Variants in UBTD1 observed in about 807,000 individuals in gnomAD.
UBTD1 encodes ubiquitin domain-containing protein 1.
UBTD1 carries 19 observed loss-of-function variants against 21.7 expected under a neutral mutation model. The ratio of observed to expected loss-of-function variants is 0.87; its 90% CI spans 0.61 to 1.28. The LOEUF is 1.28. Among genes scored for constraint, UBTD1 ranks in the 50% most tolerant of loss-of-function variants. The pLI, the probability that UBTD1 is intolerant of heterozygous loss-of-function variation, is 0.00. For missense variants in UBTD1, 282 were observed against 315.1 expected, an observed-to-expected ratio of 0.89 and a Z score of 0.80; for synonymous variants, 116 against 135.1, an observed-to-expected ratio of 0.86 and a Z score of 0.98.
At chr10:97,502,889 A>G (rs1406606961) in intron 1 of UBTD1, among the ~76,000 whole-genome samples, 3 of 147,118 alleles carry the variant, frequency 2.0e-5, no homozygotes, top group Admixed American at 6.8e-5. Flanking sequence ...ATATATACGT[A>G]TATATATGTG....
chr10:97,546,915 CTCTG>C (rs926202042), intron 1 of UBTD1, among the ~76,000 whole-genome samples: 15 of 152,306 alleles, frequency 9.8e-5, no homozygotes, highest in East Asian at 9.6e-4. Context: ...CTCTCTCTCT[CTCTG>C]TCTGTCTCTG....
intron 1 of UBTD1, among the ~76,000 whole-genome samples, chr10:97,510,258 C>T (rs1289435348): frequency 6.6e-6 from 1 of 152,230 alleles, no homozygotes; most frequent in East Asian, 1.9e-4. Flanking sequence ...AGCCACCTTG[C>T]CCAGCCATGA....
intron 1 of UBTD1, among the ~76,000 whole-genome samples, chr10:97,564,549 C>T (rs1027237781): frequency 6.6e-6 from 1 of 152,124 alleles, no homozygotes; most frequent in Non-Finnish European, 1.5e-5. Context: ...GAACCTTGGT[C>T]TCCACAACTC....
intron 1 of UBTD1, among the ~76,000 whole-genome samples, chr10:97,558,001 A>G (rs925515172): frequency 6.6e-6 from 1 of 152,192 alleles, no homozygotes; most frequent in African/African-American, 2.4e-5. Flanking sequence ...TTTAAGGAAA[A>G]TGAGTCCTGT....
chr10:97,562,910 C>T (rs997065519), intron 1 of UBTD1, among the ~76,000 whole-genome samples: 1 of 151,654 alleles, frequency 6.6e-6, no homozygotes, highest in Non-Finnish European at 1.5e-5. Context: ...GTTGGGGCAG[C>T]GAAAATTTTG....
intron 1 of UBTD1, among the ~76,000 whole-genome samples, chr10:97,556,084 A>G (rs1260754412): frequency 6.6e-6 from 1 of 152,168 alleles, no homozygotes; most frequent in Non-Finnish European, 1.5e-5. Context: ...TAAGGTAGTG[A>G]CGAAGTTTTT....
At position 97,570,707 on chromosome 10, in the gene UBTD1, G is replaced by A. The variant is rs1351030254; in HGVS notation, c.*184G>A. On this transcript the variant is annotated 3_prime_UTR_variant, in exon 3 of 3. Coordinates refer to ENST00000370664, the MANE Select transcript of UBTD1 (RefSeq NM_024954.5). This position sits in a 1 kb window ranked among gnomAD's most constrained non-coding sequence, Gnocchi z 6.6. ...CCAGTTCCCGGTACCCAGGGAGCAG[G>A]CAGCCACACACGGGCCTTGCAACCT... is the stretch of plus-strand genomic sequence containing the variant. 1.4e-5 allele frequency: 10 copies of A among 705,142 alleles called. No homozygotes were observed. Among genetic ancestry groups the A allele is most frequent in the Non-Finnish European group, 2.3e-5 (10 of 434,640 alleles). 43.7% of individuals were successfully genotyped at this position (705,142 alleles called of 1,614,324 possible).
At chr10:97,499,299 C>G in intron 1 of UBTD1, 26 bp downstream of exon 1, 1 of 1,543,898 alleles carries the variant, frequency 6.5e-7, no homozygotes, top group Non-Finnish European at 8.7e-7. Flanking sequence ...GGAGCAGGGC[C>G]TCGGGCATCC....
rs888573320 is a variant in UBTD1, at chr10:97,513,859, G to A, written c.70+14586G>A. ...CCTGAGTACCTAAGACTACAGGTGC[G>A]GGCTACCACACCCAGCTAATTTCTG... On this transcript the variant is annotated intron_variant, in intron 1 of 2. Coordinates refer to ENST00000370664, the MANE Select transcript of UBTD1 (RefSeq NM_024954.5). Among the ~76,000 whole-genome samples, 7 of 151,836 alleles carry A rather than the reference G, an allele frequency of 4.6e-5. No homozygotes were observed. The East Asian group carries it at 5.8e-4, about 13-fold the overall frequency.
chr10:97,499,007 G>C lies in UBTD1; in HGVS notation c.-197G>C. The stretch of plus-strand genomic sequence containing the variant: ...CCCGGCCACCTGGGACCGTGCTGGG[G>C]AGTCTGCCACTTCCCTCTCTCCCCT... On this transcript the variant is annotated 5_prime_UTR_variant, in exon 1 of 3. Coordinates refer to ENST00000370664, the MANE Select transcript of UBTD1 (RefSeq NM_024954.5). The C allele has an allele frequency of 1.7e-6, 1 of 595,036 alleles. No individual in the cohort carries two copies. Among genetic ancestry groups the C allele is most frequent in the Non-Finnish European group, 2.8e-6 (1 of 355,198 alleles). 36.9% of individuals were successfully genotyped at this position (595,036 alleles called of 1,614,324 possible). A position where few individuals can be genotyped will look rare whatever the true frequency, so the allele number is the denominator to read the frequency against.
chr10:97,555,857 T>A (rs2040661736), intron 1 of UBTD1, among the ~76,000 whole-genome samples: 1 of 152,162 alleles, frequency 6.6e-6, no homozygotes, highest in South Asian at 2.1e-4. Flanking sequence ...CTGTCTTTGG[T>A]TTTACTTCCT....
At chr10:97,549,584 C>A (rs1256668392) in intron 1 of UBTD1, among the ~76,000 whole-genome samples, 3 of 152,236 alleles carry the variant, frequency 2.0e-5, no homozygotes, top group Non-Finnish European at 4.4e-5. Context: ...GAGAAGGGGG[C>A]TCTCAGGGGT....
chr10:97,568,777 G>T (rs1452263951), intron 2 of UBTD1, among the ~76,000 whole-genome samples: 1 of 152,112 alleles, frequency 6.6e-6, no homozygotes, highest in Non-Finnish European at 1.5e-5. Flanking sequence ...AGTCTTATGG[G>T]GCCATGTAAA....
chr10:97,529,369 G>A (rs944183303), intron 1 of UBTD1, among the ~76,000 whole-genome samples: 9 of 152,224 alleles, frequency 5.9e-5, no homozygotes, highest in African/African-American at 1.9e-4. Flanking sequence ...GGTAGCGGCT[G>A]GGCAGAGGCT....
chr10:97,527,518 G>A (rs531487677), intron 1 of UBTD1, among the ~76,000 whole-genome samples: 4 of 150,918 alleles, frequency 2.7e-5, no homozygotes, highest in African/African-American at 4.9e-5. Flanking sequence ...GGTGTTTCTC[G>A]CAGAGGGGGA....
In UBTD1 at chr10:97,539,955, A is replaced by C. The variant is rs181110124; in HGVS notation, c.71-27959A>C. Among the ~76,000 whole-genome samples the C allele has an allele frequency of 9.2e-5, 14 of 152,182 alleles. No individual in the cohort carries two copies. In the East Asian group the frequency reaches 2.7e-3, roughly 29 times the overall value. On this transcript the variant is annotated intron_variant, in intron 1 of 2. Transcript: ENST00000370664. Reference sequence around the variant, plus strand: ...TGTGCAGCCCGAGGCCCTTCCAAACAACCACCCCCAGAGGGCTGGGTGCAG... The same window carrying C: ...TGTGCAGCCCGAGGCCCTTCCAAACCACCACCCCCAGAGGGCTGGGTGCAG...
intron 1 of UBTD1, among the ~76,000 whole-genome samples, chr10:97,558,233 C>T (rs1564744148): frequency 6.6e-6 from 1 of 152,150 alleles, no homozygotes; most frequent in Non-Finnish European, 1.5e-5. Flanking sequence ...TTTAACTGGG[C>T]TCTCTGATAC....
rs569596514 is a variant in UBTD1 at position 97,543,811 on chromosome 10, C to T, written c.71-24103C>T. 5.3e-5 allele frequency among the ~76,000 whole-genome samples: 8 copies of T among 152,258 alleles called. No individual in the cohort carries two copies. In the South Asian group the frequency reaches 1.5e-3, roughly 28 times the overall value. ...GAAAATTATGTAATTATGAAAATTA[C>T]GGGGTCTTTTCTACCTCCAGCCCGA... On this transcript the variant is annotated intron_variant, in intron 1 of 2. Coordinates refer to ENST00000370664, the MANE Select transcript of UBTD1 (RefSeq NM_024954.5).
chr10:97,563,747 C>T (rs1015445600), intron 1 of UBTD1, among the ~76,000 whole-genome samples: 2 of 151,992 alleles, frequency 1.3e-5, no homozygotes, highest in African/African-American at 2.4e-5. Context: ...TGGGGTATGA[C>T]TAGACAGAAG....
Sources: gnomAD v4.1 joint callset for allele counts (sites outside exome capture counted in the v4.1 genomes callset) on GRCh38, gnomAD v4.1.1 for gene constraint, Gnocchi (gnomAD v3.1) non-coding constraint, MANE v1.5 for transcripts, NCBI Gene and HGNC (gene_info 2026-07-23, HGNC 2026-07-21) for gene names.